CYRIA: variants seen among roughly 807,000 people sequenced by gnomAD.
CYRIA encodes the protein CYFIP related Rac1 interactor A.
CYRIA carries 15 observed loss-of-function variants against 43.9 expected under a neutral mutation model. The ratio of observed to expected loss-of-function variants is 0.34; its 90% CI spans 0.23 to 0.53. The LOEUF (loss-of-function observed/expected upper bound fraction) is 0.53, where lower values mean the gene tolerates loss of function less well. Ranked by LOEUF, CYRIA falls within the 20% of genes least tolerant of loss-of-function variation. CYRIA has a pLI of 0.94. For synonymous variants in CYRIA, 117 were observed against 136.0 expected (o/e 0.86, Z 0.97); for missense variants, 236 against 394.2 (o/e 0.60, Z 3.40).
chr2:16,655,101 A>G (rs903817905), intron 1 of CYRIA, among the ~76,000 whole-genome samples: 17 of 152,140 alleles, frequency 1.1e-4, no homozygotes, highest in African/African-American at 4.1e-4. Context: ...AAAACAGGAG[A>G]TATGCACTTA....
intron 3 of CYRIA, among the ~76,000 whole-genome samples, chr2:16,585,915 T>C (rs1177438151): frequency 2.6e-5 from 4 of 152,122 alleles, no homozygotes; most frequent in Admixed American, 2.6e-4. Context: ...CTGCAAATTC[T>C]ACTTGGATCA....
chr2:16,615,285 T>C (rs1668740914), intron 2 of CYRIA, among the ~76,000 whole-genome samples: 1 of 152,180 alleles, frequency 6.6e-6, no homozygotes, highest in Admixed American at 6.5e-5. Flanking sequence ...AGTCCCAGTG[T>C]CATATCCCCT....
chr2:16,561,011 C>T lies in CYRIA; in HGVS notation c.689G>A (p.Cys230Tyr). ...TTACGGAGTTTCCAGCATGACTTTA[C>T]AGACACTTGTCATTGTGCTGAGGCA... ...TDCLSTMTSV[C>Y]KVMLETPEYR... The change falls in exon 9 of 12, where the codon TGT becomes TAT. Residue 230 changes from cysteine (C) to tyrosine (Y), a missense_variant. Coordinates refer to ENST00000381323, the MANE Select transcript of CYRIA (RefSeq NM_030797.4). The T allele has an allele frequency of 6.2e-7, 1 of 1,613,764 alleles. No individual in the cohort carries two copies. The highest frequency in any genetic ancestry group is 1.3e-5 in the African/African-American group (1 of 75,020).
intron 1 of CYRIA, among the ~76,000 whole-genome samples, chr2:16,634,570 C>A (rs1198967160): frequency 6.6e-6 from 1 of 152,218 alleles, no homozygotes; most frequent in Non-Finnish European, 1.5e-5. Flanking sequence ...GGGGATAACT[C>A]CACTCTAACT....
At chr2:16,661,422 C>T (rs1042045044) in intron 1 of CYRIA, among the ~76,000 whole-genome samples, 1 of 152,206 alleles carries the variant, frequency 6.6e-6, no homozygotes, top group African/African-American at 2.4e-5. Flanking sequence ...ATCATAAAAT[C>T]TTGGCCTGCT....
At chr2:16,643,720 C>T (rs1453029427) in intron 1 of CYRIA, among the ~76,000 whole-genome samples, 1 of 152,236 alleles carries the variant, frequency 6.6e-6, no homozygotes, top group East Asian at 1.9e-4. Flanking sequence ...ATCAGTGTTG[C>T]CCACTGTTAT....
At chr2:16,652,226 G>A (rs768140433) in intron 1 of CYRIA, among the ~76,000 whole-genome samples, 12 of 152,174 alleles carry the variant, frequency 7.9e-5, no homozygotes, top group Admixed American at 5.2e-4. Flanking sequence ...TCTAGCTTCC[G>A]TCTTCAGTGA....
intron 2 of CYRIA, among the ~76,000 whole-genome samples, chr2:16,615,713 G>C (rs1429271152): frequency 6.6e-6 from 1 of 152,206 alleles, no homozygotes; most frequent in Admixed American, 6.5e-5. Flanking sequence ...TGTTATAATA[G>C]AAAATCTAGA....
chr2:16,649,465 G>A (rs1237846738), intron 1 of CYRIA, among the ~76,000 whole-genome samples: 2 of 151,910 alleles, frequency 1.3e-5, no homozygotes, highest in African/African-American at 4.8e-5. Context: ...ACAGGGCATG[G>A]TTATACAGTA....
intron 1 of CYRIA, among the ~76,000 whole-genome samples, chr2:16,662,816 C>A (rs1670294112): frequency 6.6e-6 from 1 of 152,186 alleles, no homozygotes; most frequent in Non-Finnish European, 1.5e-5. Flanking sequence ...AGTCAAGTGG[C>A]CACCTCTGGG....
intron 2 of CYRIA, among the ~76,000 whole-genome samples, chr2:16,621,183 C>T (rs539525856): frequency 3.1e-4 from 47 of 152,294 alleles, no homozygotes; most frequent in African/African-American, 1.1e-3. Flanking sequence ...ATGAATGATC[C>T]TCCTTCTACC....
chr2:16,634,449 G>A (rs1669431809), intron 1 of CYRIA, among the ~76,000 whole-genome samples: 1 of 152,182 alleles, frequency 6.6e-6, no homozygotes, highest in African/African-American at 2.4e-5. Context: ...TTCTGTCCAG[G>A]ACCCCCTTCT....
intron 4 of CYRIA, among the ~76,000 whole-genome samples, chr2:16,564,524 C>T (rs965367061): frequency 1.1e-4 from 16 of 152,092 alleles, no homozygotes; most frequent in Non-Finnish European, 1.9e-4. Flanking sequence ...AAATGGTGAC[C>T]CCTAAGTAGA....
intron 2 of CYRIA, among the ~76,000 whole-genome samples, chr2:16,618,782 G>A (rs1249610512): frequency 6.6e-6 from 1 of 152,188 alleles, no homozygotes; most frequent in African/African-American, 2.4e-5. Flanking sequence ...CATGTGAGCG[G>A]ACCCCCGAAG....
In CYRIA at chr2:16,640,917, T is replaced by C. The variant is rs181170210; in HGVS notation, c.-166-16898A>G. On this transcript the variant is annotated intron_variant, in intron 1 of 11. Coordinates refer to ENST00000381323, the MANE Select transcript of CYRIA (RefSeq NM_030797.4). ...GAAGAGGATGGGGTGGGGGTGGGGATGACAAGCACAAGGGACAGCCGAGGC... is the reference window on the plus strand; with the variant it reads ...GAAGAGGATGGGGTGGGGGTGGGGACGACAAGCACAAGGGACAGCCGAGGC... Among the ~76,000 whole-genome samples, 1,377 of 150,840 alleles carry C rather than the reference T, an allele frequency of 9.1e-3. 17 individuals carry two copies. The highest frequency in any genetic ancestry group is 0.013 in the Non-Finnish European group (893 of 67,636).
intron 1 of CYRIA, among the ~76,000 whole-genome samples, chr2:16,640,439 C>T (rs1026131095): frequency 6.6e-6 from 1 of 152,220 alleles, no homozygotes; most frequent in African/African-American, 2.4e-5. Flanking sequence ...CTGGGAGAAC[C>T]ACAAGGCATT....
chr2:16,581,143 T>C (rs973340537), intron 3 of CYRIA, among the ~76,000 whole-genome samples: 2 of 152,074 alleles, frequency 1.3e-5, no homozygotes, highest in Non-Finnish European at 2.9e-5. Context: ...TGAAAAGATA[T>C]CAATAAGAAA....
At chr2:16,582,047 G>T (rs1667569804) in intron 3 of CYRIA, among the ~76,000 whole-genome samples, 1 of 152,138 alleles carries the variant, frequency 6.6e-6, no homozygotes, top group South Asian at 2.1e-4. Context: ...TGTTTTTGGG[G>T]TCTGGTAGGT....
In CYRIA at chr2:16,582,717, T is replaced by C. The variant is rs146915398; in HGVS notation, c.70+5333A>G. The stretch of plus-strand genomic sequence containing the variant: ...CTTCATTTTTTTAATTGATCAATAA[T>C]ATTGCATTGAATTGATATAACATTT... On this transcript the variant is annotated intron_variant, in intron 3 of 11. Coordinates refer to ENST00000381323, the MANE Select transcript of CYRIA (RefSeq NM_030797.4). Among the ~76,000 whole-genome samples, 314 of 152,322 alleles carry C rather than the reference T, an allele frequency of 2.1e-3. 4 individuals are homozygous for C. Among genetic ancestry groups the C allele is most frequent in the African/African-American group, 7.0e-3 (293 of 41,570 alleles).
Sources: allele counts gnomAD v4.1 joint callset (sites outside exome capture counted in the v4.1 genomes callset), GRCh38; gene constraint gnomAD v4.1.1; transcripts MANE v1.5; gene names NCBI Gene and HGNC (gene_info 2026-07-23, HGNC 2026-07-21).